CORO1B: variants seen among roughly 807,000 people sequenced by gnomAD.
The protein encoded by CORO1B is coronin-1B.
In CORO1B, 30 loss-of-function variants were observed where a neutral mutation model predicts 51.1. That is an observed-to-expected ratio of 0.59 (90% CI 0.44 to 0.80). The LOEUF (loss-of-function observed/expected upper bound fraction) is 0.80. Ranked by LOEUF, CORO1B falls within the 30% of genes least tolerant of loss-of-function variation. The probability of loss-of-function intolerance (pLI) is 0.00; values close to 1 mark genes in which losing one functional copy is unlikely to be tolerated. For missense variants in CORO1B, 648 were observed against 700.4 expected, an observed-to-expected ratio of 0.93 and a Z score of 0.84; for synonymous variants, 310 against 289.7, an observed-to-expected ratio of 1.07 and a Z score of -0.71.
Position 67,440,235 on chromosome 11 carries a change from A to G in CORO1B, c.890T>C (p.Ile297Thr), listed in dbSNP as rs765722575. The change falls in exon 8 of 11, where the codon ATC becomes ACC. Residue 297 changes from isoleucine to threonine, a missense_variant. Coordinates refer to ENST00000341356, the MANE Select transcript of CORO1B (RefSeq NM_020441.3). The stretch of plus-strand genomic sequence containing the variant: ...GTGGATGTAGGGAGGCTCCTCTGTG[A>G]TCTCAAAGTACCGGATGCTGGAGTC... The part of the protein sequence containing the change: ...KGDSSIRYFE[I>T]TEEPPYIHFL... The G allele has an allele frequency of 6.8e-6, 11 of 1,613,868 alleles. No homozygotes were observed. The highest frequency in any genetic ancestry group is 9.3e-6 in the Non-Finnish European group (11 of 1,179,942).
At chr11:67,441,693 C>G (rs1436423780) in intron 4 of CORO1B, 40 bp downstream of exon 4, 1 of 1,521,384 alleles carries the variant, frequency 6.6e-7, no homozygotes, top group African/African-American at 1.6e-5. Context: ...ATGGAGGGGT[C>G]CGTGGGGGGG....
chr11:67,440,558 C>G (rs1864375551), intron 6 of CORO1B, 119 bp from the exon 7 acceptor site: 3 of 898,680 alleles, frequency 3.3e-6, no homozygotes, highest in Admixed American at 2.0e-5. Context: ...TGCAGGTGGG[C>G]CCTCTGCCAT....
In CORO1B at chr11:67,438,880, ACTC is replaced by A. The variant is rs772051662; in HGVS notation, c.1132_1134del (p.Glu378del). On this transcript the variant is annotated inframe_deletion, in exon 10 of 11. Transcript: ENST00000341356. ...GGGTCGGCATCCCGCCCGCTCACCC[ACTC>A]CTCAGCCTCCAGGGCTGCCTCGGGC... The A allele has an allele frequency of 2.5e-6, 4 of 1,608,274 alleles. No individual in the cohort carries two copies. In the South Asian group the frequency reaches 4.4e-5, roughly 18 times the overall value.
At chr11:67,438,542 G>A (rs1425977306) in intron 10 of CORO1B, 41 bp from the exon 11 acceptor site, 10 of 1,581,298 alleles carry the variant, frequency 6.3e-6, no homozygotes, top group Non-Finnish European at 7.8e-6. Context: ...GGTGGTCAGG[G>A]GCTGCTAAGC....
Position 67,436,249 on chromosome 11 carries a change from G to T in CORO1B, c.*2127C>A. The T allele has an allele frequency of 6.5e-7, 1 of 1,545,384 alleles. No individual in the cohort carries two copies. Reference sequence around the variant, plus strand: ...GGAGCAGCAGCAGCAGCAGGACAACGGTGACAGAGCTGGAGCCCACGCTGT... The same window carrying T: ...GGAGCAGCAGCAGCAGCAGGACAACTGTGACAGAGCTGGAGCCCACGCTGT... On this transcript the variant is annotated 3_prime_UTR_variant, in exon 11 of 11. Coordinates refer to ENST00000341356, the MANE Select transcript of CORO1B (RefSeq NM_020441.3).
intron 1 of CORO1B, 147 bp from the exon 2 acceptor site, chr11:67,442,777 G>C (rs1427835273): frequency 1.3e-6 from 1 of 753,500 alleles, no homozygotes; most frequent in Admixed American, 2.6e-5. Context: ...TACAGAATGG[G>C]GTCACAGGTG....
In CORO1B at chr11:67,441,376, T is replaced by C. The variant is rs1741902350; in HGVS notation, c.593A>G (p.Lys198Arg). 1 of 1,613,650 alleles carries C rather than the reference T, an allele frequency of 6.2e-7. No homozygotes were observed. Among genetic ancestry groups the C allele is most frequent in the African/African-American group, 1.3e-5 (1 of 74,924 alleles). Residue 198 changes from lysine (K) to arginine (R), a missense_variant, in exon 5 of 11, where the codon AAG (lysine) becomes AGG (arginine). Coordinates refer to ENST00000341356, the MANE Select transcript of CORO1B (RefSeq NM_020441.3). ...GSLFCSACKD[K>R]SVRIIDPRRG... ...ACGGGGGTCGATGATGCGCACGCTC[T>C]TGTCCTTGCATGCTGAGCAAAACAG...
intron 9 of CORO1B, among the ~76,000 whole-genome samples, 185 bp from the exon 10 acceptor site, chr11:67,439,134 T>G (rs1864348818): frequency 1.3e-5 from 2 of 152,198 alleles, no homozygotes; most frequent in African/African-American, 2.4e-5. Flanking sequence ...TTCCCACCCT[T>G]CTGAGCAAGG....
chr11:67,436,094 G>T lies in CORO1B; in HGVS notation c.*2282C>A. On this transcript the variant is annotated 3_prime_UTR_variant, in exon 11 of 11. Transcript: ENST00000341356. Reference sequence around the variant, plus strand: ...AGCTCGGGCCTGCAGCCAGCGACCTGGGGGGCTGGCCCAGAGCAGGCGCCG... The same window carrying T: ...AGCTCGGGCCTGCAGCCAGCGACCTTGGGGGCTGGCCCAGAGCAGGCGCCG... 1 of 1,610,220 alleles carries T rather than the reference G, an allele frequency of 6.2e-7. No individual in the cohort carries two copies. The highest frequency in any genetic ancestry group is 8.5e-7 in the Non-Finnish European group (1 of 1,178,626).
chr11:67,443,630 G>A (rs1019406345), upstream of CORO1B: 1 of 763,596 alleles, frequency 1.3e-6, no homozygotes, highest in Non-Finnish European at 1.6e-6. Flanking sequence ...GGGCCAGAGA[G>A]AGCCCCTTTC....
In CORO1B at chr11:67,436,325, C is replaced by G; in HGVS notation, c.*2051G>C. The G allele has an allele frequency of 6.6e-7, 1 of 1,508,426 alleles. No individual in the cohort carries two copies. The highest frequency in any genetic ancestry group is 8.8e-7 in the Non-Finnish European group (1 of 1,130,442). 93.4% of individuals were successfully genotyped at this position (1,508,426 alleles called of 1,614,324 possible). On this transcript the variant is annotated 3_prime_UTR_variant, in exon 11 of 11. Coordinates refer to ENST00000341356, the MANE Select transcript of CORO1B (RefSeq NM_020441.3). ...GGCCCCTGGCAGGGCCAGCAGCATC[C>G]CGAGCCCTAAGGTGCAGGGCAGAGC...
chr11:67,442,359 A>T, intron 2 of CORO1B, 69 bp downstream of exon 2: 1 of 1,490,400 alleles, frequency 6.7e-7, no homozygotes, highest in Non-Finnish European at 9.3e-7. Flanking sequence ...GAGGGATTCA[A>T]GGTGTGCAGA....
chr11:67,438,113 G>T lies in CORO1B; in HGVS notation c.*263C>A, dbSNP rs1225341780. On this transcript the variant is annotated 3_prime_UTR_variant, in exon 11 of 11. Transcript: ENST00000341356. ...AGCCCACCCTCCCGCCTCCTCTGGG[G>T]AGGGAGCAGAGGGCTGGGCAGTGGT... is the stretch of plus-strand genomic sequence containing the variant. The T allele has an allele frequency of 2.4e-6, 1 of 416,666 alleles. No individual in the cohort carries two copies. The highest frequency in any genetic ancestry group is 4.2e-6 in the Non-Finnish European group (1 of 235,968). 25.8% of individuals were successfully genotyped at this position (416,666 alleles called of 1,614,324 possible).
Position 67,440,459 on chromosome 11 carries a change from C to A in CORO1B, c.757-20G>T. The A allele has an allele frequency of 6.2e-7, 1 of 1,610,348 alleles. No individual in the cohort carries two copies. Among genetic ancestry groups the A allele is most frequent in the South Asian group, 1.1e-5 (1 of 90,858 alleles). On this transcript the variant is annotated intron_variant, in intron 6 of 10. Transcript: ENST00000341356. ...GTTTTCCTGGCACATTGCAGGCAGTCAGGCCAAGCAGAACCTCCTCACCCC... is the reference window on the plus strand; with the variant it reads ...GTTTTCCTGGCACATTGCAGGCAGTAAGGCCAAGCAGAACCTCCTCACCCC...
chr11:67,435,886 C>T lies in CORO1B; in HGVS notation c.*2490G>A. Reference sequence around the variant, plus strand: ...CTGGGGAGCCGAGGACCAGGTCGCCCTCCGTGTCACTGTCTCTGGCTTCCT... The same window carrying T: ...CTGGGGAGCCGAGGACCAGGTCGCCTTCCGTGTCACTGTCTCTGGCTTCCT... On this transcript the variant is annotated 3_prime_UTR_variant, in exon 11 of 11. Transcript: ENST00000341356. The T allele has an allele frequency of 6.2e-7, 1 of 1,612,074 alleles. No homozygotes were observed. The highest frequency in any genetic ancestry group is 2.2e-5 in the East Asian group (1 of 44,872).
intron 1 of CORO1B, 33 bp from the exon 2 acceptor site, chr11:67,442,663 C>A: frequency 6.3e-7 from 1 of 1,599,420 alleles, no homozygotes; most frequent in Non-Finnish European, 8.5e-7. Context: ...TCAGTCCGGC[C>A]CATCCCAACA....
chr11:67,438,258 C>T lies in CORO1B; in HGVS notation c.*118G>A. On this transcript the variant is annotated 3_prime_UTR_variant, in exon 11 of 11. Coordinates refer to ENST00000341356, the MANE Select transcript of CORO1B (RefSeq NM_020441.3). ...GGCCTGGGACGGGTGGGGGTGGGAA[C>T]TGACCCCTGCGCTGCCTCAGAGGCT... The T allele has an allele frequency of 7.3e-7, 1 of 1,368,470 alleles. No individual in the cohort carries two copies. The highest frequency in any genetic ancestry group is 9.9e-7 in the Non-Finnish European group (1 of 1,010,280). 84.8% of individuals were successfully genotyped at this position (1,368,470 alleles called of 1,614,324 possible).
At position 67,441,600 on chromosome 11, in the gene CORO1B, C is replaced by G. The variant is rs537705371; in HGVS notation, c.455-86G>C. On this transcript the variant is annotated intron_variant, in intron 4 of 10. Transcript: ENST00000341356. ...GGCTGAGGCCCACTCTGCCCACCAC[C>G]CTGGGACAGACGGGTCTCTCCAACT... The G allele has an allele frequency of 3.5e-5, 54 of 1,555,666 alleles. No individual in the cohort carries two copies. In the African/African-American group the frequency reaches 7.3e-4, roughly 21 times the overall value.
At chr11:67,442,158 G>C in intron 2 of CORO1B, 70 bp from the exon 3 acceptor site, 3 of 1,582,396 alleles carry the variant, frequency 1.9e-6, no homozygotes, top group Middle Eastern at 1.9e-4. Flanking sequence ...TCCATGGAGT[G>C]GGAATGACAT....
Sources: allele counts gnomAD v4.1 joint callset (sites outside exome capture counted in the v4.1 genomes callset), GRCh38; gene constraint gnomAD v4.1.1; transcripts MANE v1.5; gene names NCBI Gene and HGNC (gene_info 2026-07-23, HGNC 2026-07-21).